Variants in TINCR observed in about 807,000 individuals in gnomAD.
The protein encoded by TINCR is TINCR-encoded ubiquitin-like protein.
downstream of TINCR, chr19:5,558,914 G>A (rs1379930928): frequency 6.6e-6 from 1 of 152,308 alleles, no homozygotes; most frequent in Non-Finnish European, 1.5e-5. Flanking sequence ...GGAAGATAGG[G>A]AGGGAGAGGA....
intron 1 of TINCR, among the ~76,000 whole-genome samples, chr19:5,564,466 T>C (rs2052117648): frequency 1.3e-5 from 2 of 152,086 alleles, no homozygotes; most frequent in Admixed American, 1.3e-4. Context: ...CCCTGTCTGT[T>C]GGGGAAGACA....
chr19:5,565,994 A>G lies in TINCR; in HGVS notation c.260+1671T>C, dbSNP rs1487330169. Among the ~76,000 whole-genome samples, 1 of 152,150 alleles carries G rather than the reference A, an allele frequency of 6.6e-6. No homozygotes were observed. Among genetic ancestry groups the G allele is most frequent in the East Asian group, 1.9e-4 (1 of 5,186 alleles). ...GGCAGTGAGCTGTTCCCGTGGCCCC[A>G]GCGCCCTTCTCTGCAGACCCCTCCT... On this transcript the variant is annotated intron_variant, in intron 1 of 1. Transcript: ENST00000646160. The surrounding 1 kb of genome is among the most constrained non-coding windows in gnomAD (Gnocchi z 4.0).
At position 5,563,662 on chromosome 19, in the gene TINCR, C is replaced by A. The variant is rs576087557; in HGVS notation, c.261-713G>T. On this transcript the variant is annotated intron_variant, in intron 1 of 1. Transcript: ENST00000646160. This position sits in a 1 kb window ranked among gnomAD's most constrained non-coding sequence, Gnocchi z 4.7. ...AGGCACGGTGGCTCACGCGTGTAAT[C>A]CCAGCACTTTGGGAGGCTGAGGTAG... 5.7e-4 allele frequency among the ~76,000 whole-genome samples: 86 copies of A among 152,144 alleles called. No individual in the cohort carries two copies. The highest frequency in any genetic ancestry group is 4.4e-4 in the Non-Finnish European group (30 of 68,038).
chr19:5,567,518 G>A (rs1234208821), intron 1 of TINCR, 147 bp downstream of exon 1: 5 of 365,246 alleles, frequency 1.4e-5, no homozygotes, highest in Non-Finnish European at 2.4e-5. Context: ...CGGCAAGGCC[G>A]GGTCAGGAGA....
rs138492500 is a variant in TINCR at position 5,565,445 on chromosome 19, G to A, written c.260+2220C>T. Among the ~76,000 whole-genome samples the A allele has an allele frequency of 1.3e-5, 2 of 152,152 alleles. No individual in the cohort carries two copies. The highest frequency in any genetic ancestry group is 2.9e-5 in the Non-Finnish European group (2 of 68,032). ...CTAGGCTCTGTGAAGGCGAAATCTG[G>A]TCTCTCTGGGTCACTGCTGAATTTC... is the stretch of plus-strand genomic sequence containing the variant. On this transcript the variant is annotated intron_variant, in intron 1 of 1. Transcript: ENST00000646160. This position sits in a 1 kb window ranked among gnomAD's most constrained non-coding sequence, Gnocchi z 4.0.
chr19:5,567,578 C>A (rs1318035844), intron 1 of TINCR, 87 bp downstream of exon 1: 6 of 375,276 alleles, frequency 1.6e-5, no homozygotes, highest in Non-Finnish European at 2.8e-5. Context: ...GCCCGGGAGG[C>A]CGCCTTGGGC....
intron 1 of TINCR, among the ~76,000 whole-genome samples, chr19:5,566,234 G>A (rs564607673): frequency 1.3e-5 from 2 of 152,184 alleles, no homozygotes; most frequent in East Asian, 3.9e-4. Context: ...GAGATAAAGA[G>A]ACACAGACAC....
chr19:5,563,636 C>CA lies in TINCR; in HGVS notation c.261-688dup. ...ACCGCCAATGATAACGGCACCCGGCCAGGCACGGTGGCTCACGCGTGTAAT... is the reference window on the plus strand; with the variant it reads ...ACCGCCAATGATAACGGCACCCGGCCAAGGCACGGTGGCTCACGCGTGTAAT... On this transcript the variant is annotated intron_variant, in intron 1 of 1. Transcript: ENST00000646160. This position sits in a 1 kb window ranked among gnomAD's most constrained non-coding sequence, Gnocchi z 4.7. Among the ~76,000 whole-genome samples the CA allele has an allele frequency of 6.6e-6, 1 of 152,146 alleles. No individual in the cohort carries two copies. Among genetic ancestry groups the CA allele is most frequent in the East Asian group, 1.9e-4 (1 of 5,174 alleles).
Position 5,567,656 on chromosome 19 carries a change from C to A in TINCR, c.260+9G>T, listed in dbSNP as rs1568194215. On this transcript the variant is annotated intron_variant, in intron 1 of 1. Transcript: ENST00000646160. ...CCCCGCCCCACCCCACCCCGAGCCC[C>A]GCGGCCACCTGGGGTCGCTGACGAG... is the stretch of plus-strand genomic sequence containing the variant. The A allele has an allele frequency of 2.7e-6, 1 of 374,828 alleles. No homozygotes were observed. Among genetic ancestry groups the A allele is most frequent in the South Asian group, 1.3e-4 (1 of 7,642 alleles). The allele number at this position is 374,828 out of a possible 1,614,324, so 23.2% of individuals were successfully genotyped here.
chr19:5,560,439 T>G (rs370850408), downstream of TINCR: 1 of 152,282 alleles, frequency 6.6e-6, no homozygotes, highest in South Asian at 2.1e-4. The surrounding 1 kb of genome is among the most constrained non-coding windows in gnomAD (Gnocchi z 4.5). Flanking sequence ...CTCGAGGACA[T>G]GCGTAGCCTC....
rs1442537889 is a variant in TINCR, at chr19:5,563,203, T to C, written c.261-254A>G. Among the ~76,000 whole-genome samples, 1 of 151,420 alleles carries C rather than the reference T, an allele frequency of 6.6e-6. No homozygotes were observed. The highest frequency in any genetic ancestry group is 1.5e-5 in the Non-Finnish European group (1 of 67,908). On this transcript the variant is annotated intron_variant, in intron 1 of 1. Coordinates refer to ENST00000646160, the Ensembl canonical transcript of TINCR. This position sits in a 1 kb window ranked among gnomAD's most constrained non-coding sequence, Gnocchi z 4.7. ...ACTTGGGCTTTGACCCTGAGGGAGG[T>C]GGGAGCCATGGAGGGCTGCCGGCAG...
At chr19:5,564,827 C>T (rs2052119926) in intron 1 of TINCR, among the ~76,000 whole-genome samples, 1 of 152,220 alleles carries the variant, frequency 6.6e-6, no homozygotes, top group African/African-American at 2.4e-5. Flanking sequence ...ATCCGCCCAC[C>T]TTGGCCCCCC....
At chr19:5,564,041 C>G (rs902718848) in intron 1 of TINCR, among the ~76,000 whole-genome samples, 1 of 152,192 alleles carries the variant, frequency 6.6e-6, no homozygotes. Context: ...TGCTAGCTCC[C>G]GTGACAACCT....
In TINCR at chr19:5,565,741, G is replaced by A. The variant is rs2052125157; in HGVS notation, c.260+1924C>T. Among the ~76,000 whole-genome samples the A allele has an allele frequency of 6.6e-6, 1 of 152,180 alleles. No homozygotes were observed. Among genetic ancestry groups the A allele is most frequent in the Admixed American group, 6.5e-5 (1 of 15,278 alleles). Reference sequence around the variant, plus strand: ...TGCAGCCCCAGACTCCTGCAACGGGGTGGCATCTGAGGCTCCTGCCCTCAA... The same window carrying A: ...TGCAGCCCCAGACTCCTGCAACGGGATGGCATCTGAGGCTCCTGCCCTCAA... On this transcript the variant is annotated intron_variant, in intron 1 of 1. Transcript: ENST00000646160. This position sits in a 1 kb window ranked among gnomAD's most constrained non-coding sequence, Gnocchi z 4.0.
At chr19:5,567,678 C>G (rs979245903) in exon 1 of TINCR, 8 of 163,458 alleles carry the variant, frequency 4.9e-5, no homozygotes, top group Non-Finnish European at 1.0e-4. Context: ...GGGTCGCTGA[C>G]GAGCAGCAGC....
At chr19:5,562,320 C>T (rs1294381337), downstream of TINCR, 3 of 152,760 alleles carry the variant, frequency 2.0e-5, no homozygotes, top group Non-Finnish European at 4.4e-5. This position sits in a 1 kb window ranked among gnomAD's most constrained non-coding sequence, Gnocchi z 4.4. Context: ...CTCTTCCTGC[C>T]CCTGCCAGGG....
rs187117653 is a variant in TINCR at position 5,564,966 on chromosome 19, C to A, written c.261-2017G>T. Among the ~76,000 whole-genome samples, 18 of 152,252 alleles carry A rather than the reference C, an allele frequency of 1.2e-4. No individual in the cohort carries two copies. The East Asian group carries it at 3.5e-3, about 29-fold the overall frequency. ...TGGTCTCCTGTCTCCAGCCCTCCCC[C>A]CATCACAGTCTGTTCTCCCCGCTGC... On this transcript the variant is annotated intron_variant, in intron 1 of 1. Transcript: ENST00000646160.
At chr19:5,558,889 G>A (rs1236282304), downstream of TINCR, 1 of 152,198 alleles carries the variant, frequency 6.6e-6, no homozygotes, top group Non-Finnish European at 1.5e-5. Context: ...TGATGTGAAG[G>A]AAGAAGAGAA....
In TINCR at chr19:5,563,224, G is replaced by A. The variant is rs1215099547; in HGVS notation, c.261-275C>T. Among the ~76,000 whole-genome samples, 7 of 151,948 alleles carry A rather than the reference G, an allele frequency of 4.6e-5. No individual in the cohort carries two copies. The highest frequency in any genetic ancestry group is 2.6e-4 in the Admixed American group (4 of 15,244). On this transcript the variant is annotated intron_variant, in intron 1 of 1. Coordinates refer to ENST00000646160, the Ensembl canonical transcript of TINCR. This position sits in a 1 kb window ranked among gnomAD's most constrained non-coding sequence, Gnocchi z 4.7. ...GAGGTGGGAGCCATGGAGGGCTGCC[G>A]GCAGAGGAGGGACACGCCCCGACTC...
Sources: allele counts gnomAD v4.1 joint callset (sites outside exome capture counted in the v4.1 genomes callset), GRCh38; gene constraint gnomAD v4.1.1; non-coding constraint Gnocchi (gnomAD v3.1); transcripts MANE v1.5; gene names NCBI Gene and HGNC (gene_info 2026-07-23, HGNC 2026-07-21).